Variants in AGAP3 observed in about 807,000 individuals in gnomAD.
The protein encoded by AGAP3 is arf-GAP with GTPase, ANK repeat and PH domain-containing protein 3.
AGAP3 carries 24 observed loss-of-function variants against 96.9 expected under a neutral mutation model. That is an observed-to-expected ratio of 0.25 (90% CI 0.18 to 0.35). The LOEUF (loss-of-function observed/expected upper bound fraction) is 0.35, where lower values mean the gene tolerates loss of function less well. AGAP3 is among the 10% of genes least tolerant of loss of function. The pLI is 1.00. For synonymous variants in AGAP3, 563 were observed against 536.1 expected, an observed-to-expected ratio of 1.05 and a Z score of -0.69; for missense variants, 876 against 1,254.2, an observed-to-expected ratio of 0.70 and a Z score of 4.55.
At chr7:151,093,693 G>T (rs995339923) in intron 1 of AGAP3, among the ~76,000 whole-genome samples, 1 of 152,194 alleles carries the variant, frequency 6.6e-6, no homozygotes, top group Non-Finnish European at 1.5e-5. Flanking sequence ...GCTTTGCTGG[G>T]AGAAGGGGAG....
At chr7:151,135,629 T>C (rs1800561415) in intron 11 of AGAP3, among the ~76,000 whole-genome samples, 1 of 152,144 alleles carries the variant, frequency 6.6e-6, no homozygotes, top group South Asian at 2.1e-4. Context: ...GCAAGGCACC[T>C]GAACCAGGTG....
Position 151,142,582 on chromosome 7 carries a change from G to A in AGAP3, c.2221G>A (p.Val741Ile), listed in dbSNP as rs370856580. 3.4e-5 allele frequency: 55 copies of A among 1,613,446 alleles called. No homozygotes were observed. The highest frequency in any genetic ancestry group is 3.8e-5 in the Non-Finnish European group (45 of 1,180,030). Residue 741 changes from valine to isoleucine, a missense_variant, in exon 16 of 18, where the codon GTC becomes ATC. Physicochemically the swap from Val to Ile is conservative, Grantham distance 29 (BLOSUM62 3). This residue lies in a region of AGAP3 where 213 missense variants were observed against 253.8 expected (regional missense o/e 0.84). Transcript: ENST00000397238. The surrounding 1 kb of genome is among the most constrained non-coding windows in gnomAD (Gnocchi z 7.5). ...TAMGNALANS[V>I]WEGALGGYSK... Reference sequence around the variant, plus strand: ...CATGGGCAATGCCCTCGCCAACAGCGTCTGGGAGGGGGCCTTGGGTGGCTA... The same window carrying A: ...CATGGGCAATGCCCTCGCCAACAGCATCTGGGAGGGGGCCTTGGGTGGCTA...
Position 151,139,845 on chromosome 7 carries a change from G to T in AGAP3, c.1667-134G>T. The T allele has an allele frequency of 1.2e-6, 1 of 824,270 alleles. No individual in the cohort carries two copies. Among genetic ancestry groups the T allele is most frequent in the Non-Finnish European group, 1.7e-6 (1 of 590,604 alleles). 51.1% of individuals were successfully genotyped at this position (824,270 alleles called of 1,614,324 possible). A position where few individuals can be genotyped will look rare whatever the true frequency, so the allele number is the denominator to read the frequency against. ...CCAGGCAGACCTCGCCTAGAGAGAG[G>T]TGTCCGTCTGGCTCTCCTGAGTGTG... On this transcript the variant is annotated intron_variant, in intron 12 of 17. Coordinates refer to ENST00000397238, the MANE Select transcript of AGAP3 (RefSeq NM_031946.7). The surrounding 1 kb of genome is among the most constrained non-coding windows in gnomAD (Gnocchi z 4.9).
intron 10 of AGAP3, among the ~76,000 whole-genome samples, chr7:151,131,715 C>T (rs1329108134): frequency 6.6e-6 from 1 of 152,176 alleles, no homozygotes; most frequent in East Asian, 1.9e-4. Context: ...GAAGTTGGGC[C>T]GTCCTTTCCC....
Position 151,143,957 on chromosome 7 carries a change from G to A in AGAP3, c.*14G>A. On this transcript the variant is annotated 3_prime_UTR_variant, in exon 18 of 18. Transcript: ENST00000397238. This position sits in a 1 kb window ranked among gnomAD's most constrained non-coding sequence, Gnocchi z 5.9. ...AGCCTCCTATAAGGCCCAGGAAGAG[G>A]GCAGAGGGGCCAGAAGGACTCCATG... The A allele has an allele frequency of 6.2e-7, 1 of 1,611,672 alleles. No homozygotes were observed. The highest frequency in any genetic ancestry group is 8.5e-7 in the Non-Finnish European group (1 of 1,178,216).
At chr7:151,088,531 G>C (rs1224146465) in intron 1 of AGAP3, among the ~76,000 whole-genome samples, 1 of 152,216 alleles carries the variant, frequency 6.6e-6, no homozygotes, top group Admixed American at 6.5e-5. Context: ...GAGAGACATC[G>C]TTGCTGCAGC....
In AGAP3 at chr7:151,118,350, T is replaced by C. The variant is rs1383417714; in HGVS notation, c.841+6T>C. The C allele has an allele frequency of 1.2e-6, 2 of 1,607,862 alleles. No homozygotes were observed. The highest frequency in any genetic ancestry group is 1.7e-6 in the Non-Finnish European group (2 of 1,175,284). Reference sequence around the variant, plus strand: ...GGAGCGTGTCTTCCAGGACGGTAACTCGGGTGCCGGGTGGGAGTCACTGGC... The same window carrying C: ...GGAGCGTGTCTTCCAGGACGGTAACCCGGGTGCCGGGTGGGAGTCACTGGC... On this transcript the variant is annotated splice_donor_region_variant and intron_variant, in intron 6 of 17. Transcript: ENST00000397238. This position sits in a 1 kb window ranked among gnomAD's most constrained non-coding sequence, Gnocchi z 6.1.
chr7:151,089,644 C>T (rs954892505), intron 1 of AGAP3: 6 of 152,220 alleles, frequency 3.9e-5, no homozygotes, highest in African/African-American at 9.7e-5. Flanking sequence ...CTTCTGACCC[C>T]GTGTCCAGGA....
Position 151,138,139 on chromosome 7 carries a change from C to T in AGAP3, c.1496-4C>T, listed in dbSNP as rs1800672913. On this transcript the variant is annotated splice_region_variant and splice_polypyrimidine_tract_variant and intron_variant, in intron 11 of 17. Transcript: ENST00000397238. Reference sequence around the variant, plus strand: ...CTTCCCAGTCTGACCCTTCCCGCCCCCAGGTGCCCCCCACTCGGCCAGCAG... The same window carrying T: ...CTTCCCAGTCTGACCCTTCCCGCCCTCAGGTGCCCCCCACTCGGCCAGCAG... 1 of 1,589,414 alleles carries T rather than the reference C, an allele frequency of 6.3e-7. No individual in the cohort carries two copies. The highest frequency in any genetic ancestry group is 2.3e-5 in the East Asian group (1 of 43,574).
chr7:151,127,901 C>T (rs1800243338), intron 9 of AGAP3, among the ~76,000 whole-genome samples: 1 of 152,176 alleles, frequency 6.6e-6, no homozygotes, highest in Non-Finnish European at 1.5e-5. Flanking sequence ...TCAGCTGTGG[C>T]CCAGGCCCTG....
At position 151,143,980 on chromosome 7, in the gene AGAP3, A is replaced by G. The variant is rs766233195; in HGVS notation, c.*37A>G. The G allele has an allele frequency of 1.3e-6, 2 of 1,588,706 alleles. No homozygotes were observed. The highest frequency in any genetic ancestry group is 1.1e-5 in the South Asian group (1 of 90,180). The stretch of plus-strand genomic sequence containing the variant: ...AGGGCAGAGGGGCCAGAAGGACTCC[A>G]TGGCCCAAAGACCCTCCTCCCTGCA... On this transcript the variant is annotated 3_prime_UTR_variant, in exon 18 of 18. Transcript: ENST00000397238. The surrounding 1 kb of genome is among the most constrained non-coding windows in gnomAD (Gnocchi z 5.9).
At chr7:151,119,817 C>T (rs1481411421) in intron 7 of AGAP3, among the ~76,000 whole-genome samples, 170 bp from the exon 8 acceptor site, 1 of 152,208 alleles carries the variant, frequency 6.6e-6, no homozygotes, top group Non-Finnish European at 1.5e-5. Context: ...ATCCTGCTGG[C>T]CTCCAGGCCA....
intron 1 of AGAP3, chr7:151,087,326 G>A: frequency 1.9e-6 from 1 of 525,644 alleles, no homozygotes; most frequent in South Asian, 2.0e-5. Flanking sequence ...TCGCTTGGGG[G>A]GGCCGGGACC....
intron 5 of AGAP3, 60 bp downstream of exon 5, chr7:151,117,837 G>C (rs1799671350): frequency 6.5e-7 from 1 of 1,546,856 alleles, no homozygotes; most frequent in South Asian, 1.2e-5. Flanking sequence ...ACGATGCATG[G>C]GGGCAGGGGT....
At position 151,141,601 on chromosome 7, in the gene AGAP3, G is replaced by A. The variant is rs1039982568; in HGVS notation, c.1805-297G>A. ...CTTTCTGTGGGATGCACCCCTCTCT[G>A]GTTTCACACCCATTCCCGGCAGTGC... On this transcript the variant is annotated intron_variant, in intron 13 of 17. Coordinates refer to ENST00000397238, the MANE Select transcript of AGAP3 (RefSeq NM_031946.7). The surrounding 1 kb of genome is among the most constrained non-coding windows in gnomAD (Gnocchi z 4.2). 15 of 421,976 alleles carry A rather than the reference G, an allele frequency of 3.6e-5. No individual in the cohort carries two copies. Among genetic ancestry groups the A allele is most frequent in the Non-Finnish European group, 2.6e-5 (6 of 227,654 alleles). The allele number at this position is 421,976 out of a possible 1,614,324, so 26.1% of individuals were successfully genotyped here.
At chr7:151,117,003 T>G in intron 2 of AGAP3, 92 bp from the exon 3 acceptor site, 1 of 1,484,614 alleles carries the variant, frequency 6.7e-7, no homozygotes, top group Non-Finnish European at 9.4e-7. Flanking sequence ...GCCCTGGCCT[T>G]TCTCCCTCCT....
intron 4 of AGAP3, 67 bp downstream of exon 4, chr7:151,117,523 G>A: frequency 6.2e-7 from 1 of 1,613,178 alleles, no homozygotes; most frequent in Non-Finnish European, 8.5e-7. Flanking sequence ...CTTGCTGGTT[G>A]GGACTGGGAG....
At position 151,114,655 on chromosome 7, in the gene AGAP3, C is replaced by G. The variant is rs1432342472; in HGVS notation, c.332-2138C>G. 1 of 937,244 alleles carries G rather than the reference C, an allele frequency of 1.1e-6. No homozygotes were observed. Among genetic ancestry groups the G allele is most frequent in the Non-Finnish European group, 1.3e-6 (1 of 784,590 alleles). The allele number at this position is 937,244 out of a possible 1,614,324, so 58.1% of individuals were successfully genotyped here. A position where few individuals can be genotyped will look rare whatever the true frequency, so the allele number is the denominator to read the frequency against. On this transcript the variant is annotated intron_variant, in intron 1 of 17. Transcript: ENST00000397238. The surrounding 1 kb of genome is among the most constrained non-coding windows in gnomAD (Gnocchi z 4.4). ...AGGTGGAGGAGTTGAGGGACTCGGTCGGCCCACACCAGGTGCCCAGAGGCC... is the reference window on the plus strand; with the variant it reads ...AGGTGGAGGAGTTGAGGGACTCGGTGGGCCCACACCAGGTGCCCAGAGGCC...
In AGAP3 at chr7:151,141,555, T is replaced by C. The variant is rs1800813322; in HGVS notation, c.1805-343T>C. 1 of 317,368 alleles carries C rather than the reference T, an allele frequency of 3.2e-6. No homozygotes were observed. The highest frequency in any genetic ancestry group is 2.1e-5 in the African/African-American group (1 of 46,922). The allele number at this position is 317,368 out of a possible 1,614,324, so 19.7% of individuals were successfully genotyped here. ...GTTTGCCTCCTAGCACCCCGTCACA[T>C]CCTTCTCCAGATACTCAGCTCTTTC... is the stretch of plus-strand genomic sequence containing the variant. On this transcript the variant is annotated intron_variant, in intron 13 of 17. Transcript: ENST00000397238. This position sits in a 1 kb window ranked among gnomAD's most constrained non-coding sequence, Gnocchi z 4.2.
Sources: gnomAD v4.1 joint callset for allele counts (sites outside exome capture counted in the v4.1 genomes callset) on GRCh38, gnomAD v4.1.1 for gene constraint, gnomAD v4.1.1 regional missense constraint, Gnocchi (gnomAD v3.1) non-coding constraint, MANE v1.5 for transcripts, NCBI Gene and HGNC (gene_info 2026-07-23, HGNC 2026-07-21) for gene names.